PTPRS: variants seen among roughly 807,000 people sequenced by gnomAD.
PTPRS encodes protein tyrosine phosphatase receptor type S.
In PTPRS, 63 loss-of-function variants were observed where a neutral mutation model predicts 215.3. That is an observed-to-expected ratio of 0.29 (90% CI 0.24 to 0.36). The LOEUF is 0.36. PTPRS is among the 10% of genes least tolerant of loss of function. The pLI is 1.00. For synonymous variants in PTPRS, 1,404 were observed against 1,191.4 expected, an observed-to-expected ratio of 1.18 and a Z score of -3.68; for missense variants, 2,258 against 2,825.8, an observed-to-expected ratio of 0.80 and a Z score of 4.56.
chr19:5,309,007 C>T (rs928759842), intron 1 of PTPRS, among the ~76,000 whole-genome samples: 9 of 152,280 alleles, frequency 5.9e-5, no homozygotes, highest in South Asian at 2.1e-4. Flanking sequence ...CTCACCAAGA[C>T]CCCCTGGCCC....
At chr19:5,306,231 G>A (rs1383511656) in intron 1 of PTPRS, among the ~76,000 whole-genome samples, 1 of 149,472 alleles carries the variant, frequency 6.7e-6, no homozygotes, top group Non-Finnish European at 1.5e-5. Flanking sequence ...TGCAACCTCC[G>A]CTTCCTGGGT....
intron 1 of PTPRS, among the ~76,000 whole-genome samples, chr19:5,325,467 G>A (rs10412392): frequency 0.089 from 13,551 of 152,226 alleles, 689 homozygotes; most frequent in Middle Eastern, 0.15. Context: ...TCAAACCAGC[G>A]CATCTGAGAC....
chr19:5,221,582 T>G (rs1235085569), intron 19 of PTPRS, among the ~76,000 whole-genome samples: 3 of 152,012 alleles, frequency 2.0e-5, no homozygotes, highest in Non-Finnish European at 4.4e-5. Flanking sequence ...GAACCCAGAC[T>G]GATCCTGAAT....
rs1350045898 is a variant in PTPRS at position 5,258,149 on chromosome 19, C to T, written c.596-22G>A. ...GCTCCTGTGGGAAGATGGGAAAAAG[C>T]TTGGTCTGTTAGAGGGGGGCCCAGG... On this transcript the variant is annotated intron_variant, in intron 7 of 37. Transcript: ENST00000262963. 5 of 1,604,866 alleles carry T rather than the reference C, an allele frequency of 3.1e-6. No homozygotes were observed. The South Asian group carries it at 5.5e-5, about 18-fold the overall frequency.
At chr19:5,324,820 T>G (rs3948683) in intron 1 of PTPRS, among the ~76,000 whole-genome samples, 1 of 151,876 alleles carries the variant, frequency 6.6e-6, no homozygotes, top group East Asian at 1.9e-4. Flanking sequence ...GCACCCATCA[T>G]GCTTGGTCGT....
At chr19:5,319,551 A>C (rs1038703076) in intron 1 of PTPRS, among the ~76,000 whole-genome samples, 3 of 149,788 alleles carry the variant, frequency 2.0e-5, no homozygotes, top group African/African-American at 7.4e-5. Flanking sequence ...TCCTCTGCCC[A>C]CAGCCCTCCA....
rs199876960 is a variant in PTPRS, at chr19:5,340,643, TA to T, written c.-95+20del. On this transcript the variant is annotated intron_variant, in intron 1 of 37. Coordinates refer to ENST00000262963, the MANE Select transcript of PTPRS (RefSeq NM_002850.4). ...TTTTTTTTCCTCTAATCCATGATTT[TA>T]TTTTTTTTTTTGGCTTTACCTGGAG... 0.04 allele frequency: 5,893 copies of T among 146,620 alleles called. 293 individuals carry two copies. Among genetic ancestry groups the T allele is most frequent in the East Asian group, 0.19 (964 of 4,944 alleles). The allele number at this position is 146,620 out of a possible 1,614,324, so 9.1% of individuals were successfully genotyped here. A position where few individuals can be genotyped will look rare whatever the true frequency, so the allele number is the denominator to read the frequency against.
At chr19:5,276,147 C>T (rs1016987077) in intron 2 of PTPRS, among the ~76,000 whole-genome samples, 1 of 152,222 alleles carries the variant, frequency 6.6e-6, no homozygotes, top group Non-Finnish European at 1.5e-5. Flanking sequence ...CTTTCACATC[C>T]ACATTCTTCA....
At chr19:5,304,991 A>C (rs150001810) in intron 1 of PTPRS, among the ~76,000 whole-genome samples, 5,878 of 151,922 alleles carry the variant, frequency 0.039, 148 homozygotes, top group Admixed American at 0.056. Flanking sequence ...CTACCCCCCC[A>C]GAGCTCAGGT....
intron 12 of PTPRS, 71 bp downstream of exon 12, chr19:5,240,128 C>A: frequency 7.1e-7 from 1 of 1,411,998 alleles, no homozygotes; most frequent in Admixed American, 2.8e-5. Context: ...GGGGAAGAGA[C>A]AAGGCGGGCA....
At position 5,244,347 on chromosome 19, in the gene PTPRS, G is replaced by C; in HGVS notation, c.1124C>G (p.Pro375Arg). Residue 375 changes from proline (P) to arginine (R), a missense_variant, in exon 11 of 38, where the codon CCG becomes CGG. Around this residue, in one of 6 missense-constraint regions of PTPRS, gnomAD observed 508 missense variants for 799.4 expected, o/e 0.64. Coordinates refer to ENST00000262963, the MANE Select transcript of PTPRS (RefSeq NM_002850.4). This position sits in a 1 kb window ranked among gnomAD's most constrained non-coding sequence, Gnocchi z 7.2. ...GGTGATGTCCTCTTTAATCTGATAC[G>C]GCCCGTCTTGGCTCTTGGATTTATA... ...IEYKSKSQDGPYQIKEDITTT... is the reference protein window; with the variant it reads ...IEYKSKSQDGRYQIKEDITTT... 1 of 1,614,184 alleles carries C rather than the reference G, an allele frequency of 6.2e-7. No homozygotes were observed. The highest frequency in any genetic ancestry group is 8.5e-7 in the Non-Finnish European group (1 of 1,180,034).
At chr19:5,331,934 A>C (rs918933165) in intron 1 of PTPRS, among the ~76,000 whole-genome samples, 1 of 152,178 alleles carries the variant, frequency 6.6e-6, no homozygotes, top group Non-Finnish European at 1.5e-5. Context: ...TGGTGCCTCT[A>C]AAGAACCGCA....
At position 5,215,486 on chromosome 19, in the gene PTPRS, G is replaced by GGGT; in HGVS notation, c.4194+9_4194+11dup. 1 of 1,608,018 alleles carries GGGT rather than the reference G, an allele frequency of 6.2e-7. No individual in the cohort carries two copies. The highest frequency in any genetic ancestry group is 8.5e-7 in the Non-Finnish European group (1 of 1,175,088). Reference sequence around the variant, plus strand: ...CCGAGGTGATGAGGGTGGGAGGCGGGGGTGGGCTCACCTCATACTCCTGGG... The same window carrying GGGT: ...CCGAGGTGATGAGGGTGGGAGGCGGGGGTGGTGGGCTCACCTCATACTCCTGGG... On this transcript the variant is annotated intron_variant, in intron 27 of 37. Transcript: ENST00000262963.
chr19:5,214,265 T>C, intron 30 of PTPRS, 96 bp downstream of exon 30: 1 of 1,540,090 alleles, frequency 6.5e-7, no homozygotes, highest in Non-Finnish European at 8.9e-7. Flanking sequence ...TTTCTCTCTG[T>C]CCCATGGGGA....
At chr19:5,288,217 C>G (rs756501795) in intron 1 of PTPRS, among the ~76,000 whole-genome samples, 2 of 152,154 alleles carry the variant, frequency 1.3e-5, no homozygotes, top group African/African-American at 4.8e-5. Context: ...CAAAGTCACA[C>G]GCAGACACAG....
intron 1 of PTPRS, among the ~76,000 whole-genome samples, chr19:5,318,773 C>G: frequency 6.6e-6 from 1 of 152,194 alleles, no homozygotes; most frequent in Non-Finnish European, 1.5e-5. Flanking sequence ...CCGTCTCAAC[C>G]TCCCAAAGTG....
chr19:5,276,411 T>A (rs1402819526), intron 2 of PTPRS, among the ~76,000 whole-genome samples: 1 of 151,818 alleles, frequency 6.6e-6, no homozygotes, highest in Non-Finnish European at 1.5e-5. Flanking sequence ...TTAGTAGAGA[T>A]GGGGTTTCAC....
At chr19:5,226,352 T>C (rs1599501906) in intron 16 of PTPRS, among the ~76,000 whole-genome samples, 1 of 152,096 alleles carries the variant, frequency 6.6e-6, no homozygotes, top group Admixed American at 6.5e-5. Flanking sequence ...GTGCTGGAGG[T>C]GCCCGGTACC....
At chr19:5,253,421 A>G (rs886936) in intron 9 of PTPRS, among the ~76,000 whole-genome samples, 71,369 of 152,144 alleles carry the variant, frequency 0.47, 18,241 homozygotes, top group East Asian at 0.77. Flanking sequence ...AACAATGTAA[A>G]TACTTGTAGC....
Sources: gnomAD v4.1 joint callset for allele counts (sites outside exome capture counted in the v4.1 genomes callset) on GRCh38, gnomAD v4.1.1 for gene constraint, gnomAD v4.1.1 regional missense constraint, Gnocchi (gnomAD v3.1) non-coding constraint, MANE v1.5 for transcripts, NCBI Gene and HGNC (gene_info 2026-07-23, HGNC 2026-07-21) for gene names.